Variants in TLN2 observed in about 807,000 individuals in gnomAD.
The protein encoded by TLN2 is talin 2.
A neutral mutation model predicts 294.7 loss-of-function variants in TLN2; 118 were observed. That is an observed-to-expected ratio of 0.40 (90% CI 0.34 to 0.47). The LOEUF (loss-of-function observed/expected upper bound fraction) is 0.47. Among genes scored for constraint, TLN2 ranks in the 20% least tolerant of loss-of-function variants. The pLI is 0.84. For synonymous variants in TLN2, 1,431 were observed against 1,304.5 expected, an observed-to-expected ratio of 1.10 and a Z score of -2.09; for missense variants, 3,083 against 3,282.2, an observed-to-expected ratio of 0.94 and a Z score of 1.48.
chr15:62,731,808 T>C (rs67365121), intron 28 of TLN2, among the ~76,000 whole-genome samples: 12,164 of 152,280 alleles, frequency 0.08, 672 homozygotes, highest in Middle Eastern at 0.17. Context: ...ATGTTTTATA[T>C]ATGTTTTCCA....
At chr15:62,519,222 A>T (rs1043639179) in intron 1 of TLN2, among the ~76,000 whole-genome samples, 1 of 152,108 alleles carries the variant, frequency 6.6e-6, no homozygotes, top group Non-Finnish European at 1.5e-5. Context: ...TGTGCTTTTT[A>T]TATAAAAGGT....
chr15:62,588,693 TA>T (rs1567150835), intron 1 of TLN2, among the ~76,000 whole-genome samples: 1,343 of 126,736 alleles, frequency 0.011, 27 homozygotes, highest in African/African-American at 0.044. Context: ...TATATATATA[TA>T]TATATATATA....
rs534234546 is a variant in TLN2 at position 62,571,327 on chromosome 15, A to G, written c.-237-18360A>G. Among the ~76,000 whole-genome samples the G allele has an allele frequency of 2.6e-5, 4 of 152,296 alleles. No individual in the cohort carries two copies. In the East Asian group the frequency reaches 7.7e-4, roughly 29 times the overall value. ...ATCTGGGGGGACGGTGCCAAACTGT[A>G]ATGTCAAGGTGACGTGCTCTTTGGG... On this transcript the variant is annotated intron_variant, in intron 1 of 58. Coordinates refer to ENST00000636159, the MANE Select transcript of TLN2 (RefSeq NM_015059.3).
At chr15:62,459,076 C>CT (rs371910045) in intron 1 of TLN2, among the ~76,000 whole-genome samples, 23 of 152,018 alleles carry the variant, frequency 1.5e-4, no homozygotes, top group African/African-American at 5.6e-4. Context: ...TCTTGGCTCA[C>CT]TGCAACCTCC....
At position 62,781,371 on chromosome 15, in the gene TLN2, A is replaced by G. The variant is rs371937618; in HGVS notation, c.5616+130A>G. The G allele has an allele frequency of 3.8e-5, 25 of 654,632 alleles. No individual in the cohort carries two copies. In the African/African-American group the frequency reaches 4.3e-4, roughly 11 times the overall value. 40.6% of individuals were successfully genotyped at this position (654,632 alleles called of 1,614,324 possible). A position where few individuals can be genotyped will look rare whatever the true frequency, so the allele number is the denominator to read the frequency against. ...CACTCTCTAGTCCCTCAGGGGCTCC[A>G]GCTTCTGTCCTTTATCTGTGGTCTT... is the stretch of plus-strand genomic sequence containing the variant. On this transcript the variant is annotated intron_variant, in intron 44 of 58. Transcript: ENST00000636159.
intron 25 of TLN2, among the ~76,000 whole-genome samples, chr15:62,720,673 G>C (rs1342591750): frequency 6.6e-6 from 1 of 152,032 alleles, no homozygotes; most frequent in Non-Finnish European, 1.5e-5. Flanking sequence ...GTGTGTGTGT[G>C]TGTGTGTGTA....
chr15:62,547,355 C>G (rs1441765356), intron 1 of TLN2, among the ~76,000 whole-genome samples: 1 of 152,142 alleles, frequency 6.6e-6, no homozygotes. Flanking sequence ...GCTACGTTGA[C>G]ATCTTTGTGG....
chr15:62,789,309 G>A (rs1303881778), intron 45 of TLN2, among the ~76,000 whole-genome samples: 3 of 152,166 alleles, frequency 2.0e-5, no homozygotes, highest in African/African-American at 7.2e-5. Context: ...AACACCAAAG[G>A]CCTTTGCAGC....
chr15:62,527,871 C>A (rs907161733), intron 1 of TLN2, among the ~76,000 whole-genome samples: 1 of 152,138 alleles, frequency 6.6e-6, no homozygotes, highest in Non-Finnish European at 1.5e-5. Flanking sequence ...AATCCTATAG[C>A]CACTAACCAT....
intron 25 of TLN2, 31 bp from the exon 26 acceptor site, chr15:62,722,322 G>A: frequency 6.3e-7 from 1 of 1,587,278 alleles, no homozygotes; most frequent in Non-Finnish European, 8.6e-7. Context: ...CTGCCCAGGA[G>A]CCATCTTACT....
chr15:62,472,000 C>T (rs140123757), intron 1 of TLN2, among the ~76,000 whole-genome samples: 135 of 152,294 alleles, frequency 8.9e-4, no homozygotes, highest in African/African-American at 3.1e-3. Context: ...TTCTCCACTG[C>T]ATTCAGAATA....
chr15:62,606,204 C>A (rs549901434), intron 2 of TLN2, among the ~76,000 whole-genome samples: 46 of 152,068 alleles, frequency 3.0e-4, no homozygotes, highest in South Asian at 6.2e-4. Context: ...GCCTCAGCCT[C>A]CCATGCAGCT....
At chr15:62,472,513 A>C (rs1267925115) in intron 1 of TLN2, among the ~76,000 whole-genome samples, 1 of 152,220 alleles carries the variant, frequency 6.6e-6, no homozygotes, top group Non-Finnish European at 1.5e-5. Flanking sequence ...TGCACTGAGT[A>C]TGGGGTGTGG....
chr15:62,440,556 A>T (rs1595809138), intron 1 of TLN2, among the ~76,000 whole-genome samples: 1 of 152,054 alleles, frequency 6.6e-6, no homozygotes, highest in East Asian at 1.9e-4. Flanking sequence ...GTCAGGGAGG[A>T]CGGTGCTGAC....
chr15:62,585,391 C>T (rs1217673942), intron 1 of TLN2, among the ~76,000 whole-genome samples: 1 of 152,170 alleles, frequency 6.6e-6, no homozygotes, highest in Admixed American at 6.5e-5. Context: ...TCTCTCATTT[C>T]ATCCTCACAA....
At chr15:62,577,883 C>A (rs984158483) in intron 1 of TLN2, among the ~76,000 whole-genome samples, 4 of 152,100 alleles carry the variant, frequency 2.6e-5, no homozygotes, top group African/African-American at 9.7e-5. Flanking sequence ...GTGATGTTCC[C>A]TGTCCTGTGT....
At chr15:62,681,368 G>A (rs2056813981) in intron 11 of TLN2, among the ~76,000 whole-genome samples, 1 of 152,144 alleles carries the variant, frequency 6.6e-6, no homozygotes, top group African/African-American at 2.4e-5. Flanking sequence ...ATAAGTAAAT[G>A]AAATTATAAT....
At chr15:62,819,829 T>C (rs1381983261) in intron 53 of TLN2, among the ~76,000 whole-genome samples, 1 of 152,216 alleles carries the variant, frequency 6.6e-6, no homozygotes, top group African/African-American at 2.4e-5. Context: ...TCTCTAGTCT[T>C]TGTATTAAGT....
At chr15:62,529,536 AT>A (rs1009538101) in intron 1 of TLN2, among the ~76,000 whole-genome samples, 40 of 125,948 alleles carry the variant, frequency 3.2e-4, no homozygotes, top group African/African-American at 1.2e-3. Flanking sequence ...TGTTTTTTTT[AT>A]TTTTTTTCTC....
Sources: allele counts gnomAD v4.1 joint callset (sites outside exome capture counted in the v4.1 genomes callset), GRCh38; gene constraint gnomAD v4.1.1; transcripts MANE v1.5; gene names NCBI Gene and HGNC (gene_info 2026-07-23, HGNC 2026-07-21).